The following SIPA1 variants were observed in gnomAD, a reference collection of about 807,000 sequenced individuals.
SIPA1 encodes signal-induced proliferation-associated protein 1.
In SIPA1, 51 loss-of-function variants were observed where a neutral mutation model predicts 88.1. The ratio of observed to expected loss-of-function variants is 0.58; its 90% CI spans 0.46 to 0.73. The LOEUF (loss-of-function observed/expected upper bound fraction) is 0.73. Among genes scored for constraint, SIPA1 ranks in the 30% least tolerant of loss-of-function variants. The pLI, the probability that SIPA1 is intolerant of heterozygous loss-of-function variation, is 0.00. For synonymous variants in SIPA1, 681 were observed against 664.8 expected (o/e 1.02, Z -0.37); for missense variants, 1,348 against 1,467.6 (o/e 0.92, Z 1.33).
intron 9 of SIPA1, 83 bp from the exon 10 acceptor site, chr11:65,649,179 A>G: frequency 2.0e-6 from 2 of 1,009,340 alleles, no homozygotes; most frequent in Non-Finnish European, 2.9e-6. Flanking sequence ...CCTGGAAGTG[A>G]GCCTGGCGGG....
chr11:65,649,108 A>G lies in SIPA1; in HGVS notation c.2307-154A>G, dbSNP rs1856197852. ...GGAATTTGAACCATGGTCTGGAAAA[A>G]TGGCCAGTAACCAGGCAGACATTTT... On this transcript the variant is annotated intron_variant, in intron 9 of 15. Coordinates refer to ENST00000534313, the MANE Select transcript of SIPA1 (RefSeq NM_006747.4). The G allele has an allele frequency of 8.4e-6, 5 of 596,770 alleles. No homozygotes were observed. In the East Asian group the frequency reaches 1.1e-4, roughly 14 times the overall value. 37.0% of individuals were successfully genotyped at this position (596,770 alleles called of 1,614,324 possible).
rs1221446802 is a variant in SIPA1, at chr11:65,641,097, A to AGGCCAGGCCCCCCACGCC, written c.177_194dup (p.Arg61_Ala66dup). 2 of 1,600,434 alleles carry AGGCCAGGCCCCCCACGCC rather than the reference A, an allele frequency of 1.2e-6. No homozygotes were observed. The highest frequency in any genetic ancestry group is 1.7e-6 in the Non-Finnish European group (2 of 1,178,340). ...CTGCGCAGCGGCAGCGATGCAGGCG[A>AGGCCAGGCCCCCCACGCC]GGCCAGGCCCCCCACGCCAGCCAGC... is the stretch of plus-strand genomic sequence containing the variant. On this transcript the variant is annotated inframe_insertion, in exon 2 of 16. Transcript: ENST00000534313.
At chr11:65,650,108 C>T in intron 13 of SIPA1, 30 bp from the exon 14 acceptor site, 2 of 1,613,800 alleles carry the variant, frequency 1.2e-6, no homozygotes, top group Non-Finnish European at 1.7e-6. Context: ...CCCTTTCTGA[C>T]CTGCCCACCT....
intron 14 of SIPA1, 102 bp downstream of exon 14, chr11:65,650,294 T>G: frequency 4.6e-6 from 7 of 1,536,104 alleles, no homozygotes; most frequent in Non-Finnish European, 6.3e-6. Flanking sequence ...TGCTGCCACA[T>G]ATGCCTAGAA....
At position 65,641,322 on chromosome 11, in the gene SIPA1, G is replaced by A; in HGVS notation, c.401G>A (p.Gly134Glu). 6.2e-7 allele frequency: 1 copy of A among 1,613,534 alleles called. No homozygotes were observed. Among genetic ancestry groups the A allele is most frequent in the Admixed American group, 1.7e-5 (1 of 60,030 alleles). Residue 134 changes from glycine to glutamate, a missense_variant, in exon 2 of 16, where the codon GGG (glycine) becomes GAG (glutamate). By Grantham distance (98) the Gly-to-Glu change is moderately conservative. This residue lies in a region of SIPA1 where 641 missense variants were observed against 797.7 expected (regional missense o/e 0.80). Transcript: ENST00000534313. ...LLFDWAPRSQ[G>E]MGSHSEASSG... is the part of the protein sequence containing the mutation. ...TTTGATTGGGCTCCGAGGTCTCAGG[G>A]GATGGGGAGCCACTCAGAGGCCAGC...
chr11:65,641,175 C>T lies in SIPA1; in HGVS notation c.254C>T (p.Ser85Phe). ...GAGGCCAGCCGACCTGCAGCCACTTCCACCCGGCTCTTCACTGACCCGCTG... is the reference window on the plus strand; with the variant it reads ...GAGGCCAGCCGACCTGCAGCCACTTTCACCCGGCTCTTCACTGACCCGCTG... ...HEEASRPAAT[S>F]TRLFTDPLAL... Residue 85 changes from serine to phenylalanine, a missense_variant, in exon 2 of 16, where the codon TCC (serine) becomes TTC (phenylalanine). This residue lies in a region of SIPA1 where 641 missense variants were observed against 797.7 expected (regional missense o/e 0.80). Transcript: ENST00000534313. 6.2e-7 allele frequency: 1 copy of T among 1,609,732 alleles called. No individual in the cohort carries two copies. Among genetic ancestry groups the T allele is most frequent in the Non-Finnish European group, 8.5e-7 (1 of 1,179,986 alleles).
chr11:65,649,449 C>T lies in SIPA1; in HGVS notation c.2494C>T (p.Leu832=). The change falls in exon 10 of 16, where the codon CTG becomes TTG. Residue 832 remains leucine, a synonymous_variant. Transcript: ENST00000534313. ...TCTGGCCGAGGAGAGGACTGAGTTCCTGCACAGCCAGAACTCGCTGTCACC... is the reference window on the plus strand; with the variant it reads ...TCTGGCCGAGGAGAGGACTGAGTTCTTGCACAGCCAGAACTCGCTGTCACC... ...GDLAEERTEF[L]HSQNSLSPRS... is the part of the protein sequence containing the mutation. The T allele has an allele frequency of 1.2e-6, 2 of 1,609,908 alleles. No homozygotes were observed. The highest frequency in any genetic ancestry group is 1.7e-6 in the Non-Finnish European group (2 of 1,178,048).
intron 9 of SIPA1, among the ~76,000 whole-genome samples, chr11:65,648,238 T>C (rs1281664216): frequency 1.3e-5 from 2 of 152,100 alleles, no homozygotes; most frequent in Non-Finnish European, 2.9e-5. Context: ...AAAGATCAAA[T>C]AGCAGCCCCC....
chr11:65,647,793 T>C, intron 9 of SIPA1, 135 bp downstream of exon 9: 1 of 606,676 alleles, frequency 1.6e-6, no homozygotes, highest in Non-Finnish European at 2.3e-6. Flanking sequence ...ATCTCCCGTC[T>C]CTTAGCCCGT....
chr11:65,642,100 C>A lies in SIPA1; in HGVS notation c.680-150C>A. 2 of 1,139,658 alleles carry A rather than the reference C, an allele frequency of 1.8e-6. No individual in the cohort carries two copies. The highest frequency in any genetic ancestry group is 2.5e-6 in the Non-Finnish European group (2 of 810,088). The allele number at this position is 1,139,658 out of a possible 1,614,324, so 70.6% of individuals were successfully genotyped here. A position where few individuals can be genotyped will look rare whatever the true frequency, so the allele number is the denominator to read the frequency against. Reference sequence around the variant, plus strand: ...TCAGGGTTGAGATCAAGATATTGAGCTCGGGGCTACAGAGGGGCGGGACTT... The same window carrying A: ...TCAGGGTTGAGATCAAGATATTGAGATCGGGGCTACAGAGGGGCGGGACTT... On this transcript the variant is annotated intron_variant, in intron 2 of 15. Coordinates refer to ENST00000534313, the MANE Select transcript of SIPA1 (RefSeq NM_006747.4). The surrounding 1 kb of genome is among the most constrained non-coding windows in gnomAD (Gnocchi z 6.5).
At position 65,641,146 on chromosome 11, in the gene SIPA1, C is replaced by T. The variant is rs1017141237; in HGVS notation, c.225C>T (p.His75=). ...GCCCCCGTGCCCGTGCCCACAGCCA[C>T]GAAGAGGCCAGCCGACCTGCAGCCA... ...PASPRARAHS[H]EEASRPAATS... is the part of the protein sequence containing the mutation. The change falls in exon 2 of 16, where the codon CAC becomes CAT. Residue 75 remains histidine (H), a synonymous_variant. Coordinates refer to ENST00000534313, the MANE Select transcript of SIPA1 (RefSeq NM_006747.4). 14 of 1,604,960 alleles carry T rather than the reference C, an allele frequency of 8.7e-6. No homozygotes were observed. The highest frequency in any genetic ancestry group is 8.0e-5 in the African/African-American group (6 of 74,944).
At chr11:65,647,291 G>T (rs1856144873) in intron 8 of SIPA1, 93 bp from the exon 9 acceptor site, 1 of 1,372,910 alleles carries the variant, frequency 7.3e-7, no homozygotes, top group Non-Finnish European at 9.4e-7. Context: ...ACTGTGGAAA[G>T]TTCCGTGTGG....
Position 65,645,912 on chromosome 11 carries a change from C to G in SIPA1, c.1218C>G (p.Phe406Leu). The G allele has an allele frequency of 6.2e-7, 1 of 1,613,676 alleles. No homozygotes were observed. The highest frequency in any genetic ancestry group is 8.5e-7 in the Non-Finnish European group (1 of 1,179,756). ...YTTYQDHEIM[F>L]HVSTMLPYTP... ...CATACCAGGACCACGAGATCATGTT[C>G]CACGTGTCCACGATGCTGCCTTACA... The change falls in exon 6 of 16, where the codon TTC (phenylalanine) becomes TTG (leucine). Residue 406 changes from phenylalanine (F) to leucine (L), a missense_variant. Transcript: ENST00000534313.
At position 65,647,180 on chromosome 11, in the gene SIPA1, G is replaced by T. The variant is rs1856141220; in HGVS notation, c.2031+115G>T. ...CCTGCGGAAGGGAAAGTCGAGGAGG[G>T]CAGAGCCAGCCCCGGGGCTTGGCAA... On this transcript the variant is annotated intron_variant, in intron 8 of 15. Transcript: ENST00000534313. 4 of 1,413,886 alleles carry T rather than the reference G, an allele frequency of 2.8e-6. No individual in the cohort carries two copies. In the East Asian group the frequency reaches 1.1e-4, roughly 37 times the overall value. 87.6% of individuals were successfully genotyped at this position (1,413,886 alleles called of 1,614,324 possible).
Position 65,642,162 on chromosome 11 carries a change from A to G in SIPA1, c.680-88A>G. Reference sequence around the variant, plus strand: ...AACATTTGGTGGTGAGATGAAGCCTAGGGCGGGGCTTAGTGATGCGCGTGG... The same window carrying G: ...AACATTTGGTGGTGAGATGAAGCCTGGGGCGGGGCTTAGTGATGCGCGTGG... On this transcript the variant is annotated intron_variant, in intron 2 of 15. Transcript: ENST00000534313. This position sits in a 1 kb window ranked among gnomAD's most constrained non-coding sequence, Gnocchi z 6.5. The G allele has an allele frequency of 6.7e-7, 1 of 1,500,472 alleles. No individual in the cohort carries two copies. The highest frequency in any genetic ancestry group is 8.9e-7 in the Non-Finnish European group (1 of 1,121,086). 92.9% of individuals were successfully genotyped at this position (1,500,472 alleles called of 1,614,324 possible).
At chr11:65,645,206 G>A (rs1015296790) in intron 5 of SIPA1, 77 bp downstream of exon 5, 6 of 1,418,784 alleles carry the variant, frequency 4.2e-6, no homozygotes, top group Non-Finnish European at 5.9e-6. Context: ...TCACTCCTTT[G>A]TCCGTACAAT....
In SIPA1 at chr11:65,650,837, C is replaced by G; in HGVS notation, c.*122C>G. 1.8e-6 allele frequency: 2 copies of G among 1,103,540 alleles called. No individual in the cohort carries two copies. Among genetic ancestry groups the G allele is most frequent in the Non-Finnish European group, 1.2e-6 (1 of 801,294 alleles). The allele number at this position is 1,103,540 out of a possible 1,614,324, so 68.4% of individuals were successfully genotyped here. A position where few individuals can be genotyped will look rare whatever the true frequency, so the allele number is the denominator to read the frequency against. On this transcript the variant is annotated 3_prime_UTR_variant, in exon 16 of 16. Coordinates refer to ENST00000534313, the MANE Select transcript of SIPA1 (RefSeq NM_006747.4). ...CCCTCCCTAGCCCCTTATTTGGTGGCGGAAGTGGCCTCCACCCCTTCCCTG... is the reference window on the plus strand; with the variant it reads ...CCCTCCCTAGCCCCTTATTTGGTGGGGGAAGTGGCCTCCACCCCTTCCCTG...
chr11:65,641,660 C>G, intron 2 of SIPA1, 60 bp downstream of exon 2: 1 of 1,412,842 alleles, frequency 7.1e-7, no homozygotes, highest in Non-Finnish European at 9.7e-7. Flanking sequence ...TCCCTGTCAC[C>G]TGCAGTGCAC....
rs764523699 is a variant in SIPA1, at chr11:65,646,365, C to T, written c.1408C>T (p.His470Tyr). ...GCGGGCACACACACCCTGCACGCCA[C>T]ACACCACCTACAGGTGGGCACCGGA... ...VVRAHTPCTP[H>Y]TTYRVAVSRT... The change falls in exon 7 of 16, where the codon CAC becomes TAC. Residue 470 changes from histidine (H) to tyrosine (Y), a missense_variant. This residue lies in a region of SIPA1 where 641 missense variants were observed against 797.7 expected (regional missense o/e 0.80). Coordinates refer to ENST00000534313, the MANE Select transcript of SIPA1 (RefSeq NM_006747.4). The surrounding 1 kb of genome is among the most constrained non-coding windows in gnomAD (Gnocchi z 7.5). 1.9e-6 allele frequency: 3 copies of T among 1,611,740 alleles called. No individual in the cohort carries two copies. The highest frequency in any genetic ancestry group is 2.5e-6 in the Non-Finnish European group (3 of 1,179,982).
Sources: allele counts gnomAD v4.1 joint callset (sites outside exome capture counted in the v4.1 genomes callset), GRCh38; gene constraint gnomAD v4.1.1; regional missense constraint gnomAD v4.1.1; non-coding constraint Gnocchi (gnomAD v3.1); transcripts MANE v1.5; gene names NCBI Gene and HGNC (gene_info 2026-07-23, HGNC 2026-07-21).